The following CNTNAP4 variants were observed in gnomAD, a reference collection of about 807,000 sequenced individuals.
CNTNAP4 encodes the protein contactin associated protein family member 4.
CNTNAP4 carries 98 observed loss-of-function variants against 148.4 expected under a neutral mutation model. The ratio of observed to expected loss-of-function variants is 0.66; its 90% CI spans 0.56 to 0.78. The LOEUF (loss-of-function observed/expected upper bound fraction) is 0.78, where lower values mean the gene tolerates loss of function less well. Ranked by LOEUF, CNTNAP4 falls within the 30% of genes least tolerant of loss-of-function variation. The pLI is 0.00. For synonymous variants in CNTNAP4, 730 were observed against 565.1 expected (o/e 1.29, Z -4.14); for missense variants, 1,935 against 1,565.6 (o/e 1.24, Z -3.98).
chr16:76,331,975 A>AT (rs1963568148), intron 2 of CNTNAP4, among the ~76,000 whole-genome samples: 1 of 152,164 alleles, frequency 6.6e-6, no homozygotes. Flanking sequence ...GTTTTACTAG[A>AT]TTTAGAATGT....
chr16:76,335,606 A>G (rs1963952087), intron 2 of CNTNAP4, among the ~76,000 whole-genome samples: 1 of 152,140 alleles, frequency 6.6e-6, no homozygotes. Context: ...GAGAGGCTGT[A>G]TGGAATCCTC....
intron 3 of CNTNAP4, among the ~76,000 whole-genome samples, chr16:76,386,582 A>C (rs1039971358): frequency 2.6e-5 from 4 of 152,108 alleles, no homozygotes; most frequent in Admixed American, 6.5e-5. Flanking sequence ...AATTTTCCAG[A>C]GCCTAACCTG....
At chr16:76,502,598 G>C (rs2082693498) in intron 15 of CNTNAP4, among the ~76,000 whole-genome samples, 1 of 152,142 alleles carries the variant, frequency 6.6e-6, no homozygotes, top group Non-Finnish European at 1.5e-5. Flanking sequence ...TCAGTCAAGT[G>C]ACCTCTGATG....
chr16:76,536,751 A>G (rs2084232015), intron 18 of CNTNAP4, among the ~76,000 whole-genome samples: 1 of 152,200 alleles, frequency 6.6e-6, no homozygotes, highest in Non-Finnish European at 1.5e-5. Flanking sequence ...GCCTCATGGA[A>G]GAAGAAAAGA....
chr16:76,328,321 A>G (rs1963194378), intron 2 of CNTNAP4, among the ~76,000 whole-genome samples: 2 of 152,210 alleles, frequency 1.3e-5, no homozygotes, highest in South Asian at 4.1e-4. Context: ...TGTGGAAAAC[A>G]TTAGACCTAC....
chr16:76,543,389 A>G (rs1488151502), intron 21 of CNTNAP4, among the ~76,000 whole-genome samples: 1 of 152,242 alleles, frequency 6.6e-6, no homozygotes, highest in East Asian at 1.9e-4. Context: ...TAATATTTCA[A>G]AGAGAATTGT....
Position 76,539,805 on chromosome 16 carries a change from C to T in CNTNAP4, c.3307C>T (p.Leu1103Phe), listed in dbSNP as rs772347115. The T allele has an allele frequency of 1.9e-6, 3 of 1,602,882 alleles. No homozygotes were observed. The highest frequency in any genetic ancestry group is 3.5e-5 in the Admixed American group (2 of 57,718). The change falls in exon 20 of 24, where the codon CTT becomes TTT. Residue 1103 changes from leucine (L) to phenylalanine (F), a missense_variant. Transcript: ENST00000611870. The part of the protein sequence containing the change: ...FDFKNMADGQ[L>F]HHIMINREEG... Reference sequence around the variant, plus strand: ...TTTTAAAAACATGGCTGATGGACAACTTCACCACATAATGATTAACAGAGA... The same window carrying T: ...TTTTAAAAACATGGCTGATGGACAATTTCACCACATAATGATTAACAGAGA...
rs748480259 is a variant in CNTNAP4, at chr16:76,355,387, T to C, written c.266T>C (p.Met89Thr). ...TTGCAGATTGACCTTGGAGAGAGAA[T>C]GGAGGTCACCGCTGTGGCCACTCAA... ...QWLQIDLGER[M>T]EVTAVATQGG... Residue 89 changes from methionine (M) to threonine (T), a missense_variant, in exon 3 of 24, where the codon ATG (methionine) becomes ACG (threonine). Met to Thr is a moderately conservative substitution (Grantham distance 81, BLOSUM62 -1). Coordinates refer to ENST00000611870, the MANE Select transcript of CNTNAP4 (RefSeq NM_033401.5). The C allele has an allele frequency of 2.5e-6, 4 of 1,609,808 alleles. No homozygotes were observed. The highest frequency in any genetic ancestry group is 3.4e-6 in the Non-Finnish European group (4 of 1,177,704).
chr16:76,452,585 G>A lies in CNTNAP4; in HGVS notation c.1149G>A (p.Leu383=). Residue 383 remains leucine, a synonymous_variant, in exon 8 of 24, where the codon CTG becomes CTA. Transcript: ENST00000611870. ...TGAGCTCCAGGAGTTATTTAGCACT[G>A]CCAGACTTCTCTGGAGAGGAGGAGG... is the stretch of plus-strand genomic sequence containing the variant. The part of the protein sequence containing the change: ...TFLSSRSYLA[L]PDFSGEEEVS... The A allele has an allele frequency of 6.2e-7, 1 of 1,613,968 alleles. No individual in the cohort carries two copies.
In CNTNAP4 at chr16:76,460,071, A is replaced by C. The variant is rs28373008; in HGVS notation, c.1334-1885A>C. 3.9e-5 allele frequency among the ~76,000 whole-genome samples: 6 copies of C among 152,262 alleles called. No individual in the cohort carries two copies. In the Middle Eastern group the frequency reaches 0.014, roughly 345 times the overall value. On this transcript the variant is annotated intron_variant, in intron 8 of 23. Coordinates refer to ENST00000611870, the MANE Select transcript of CNTNAP4 (RefSeq NM_033401.5). The stretch of plus-strand genomic sequence containing the variant: ...ATCATATTTTTCCTTTATTAAAAAA[A>C]CTTTTTATTTGTTTCTTTTTATTTT...
intron 8 of CNTNAP4, among the ~76,000 whole-genome samples, chr16:76,453,890 C>T (rs1350408628): frequency 6.6e-6 from 1 of 151,774 alleles, no homozygotes; most frequent in Non-Finnish European, 1.5e-5. Context: ...GATTTGCTGG[C>T]TAGACAAAAA....
chr16:76,326,663 C>T (rs1206031993), intron 2 of CNTNAP4, among the ~76,000 whole-genome samples: 2 of 152,004 alleles, frequency 1.3e-5, no homozygotes, highest in African/African-American at 4.8e-5. Context: ...ATGGATAAAG[C>T]TGGAAACCAT....
intron 11 of CNTNAP4, among the ~76,000 whole-genome samples, chr16:76,476,362 C>T (rs918999688): frequency 1.2e-4 from 18 of 152,238 alleles, no homozygotes; most frequent in African/African-American, 3.9e-4. Context: ...TTCTAGAAGG[C>T]GCAGTACAAG....
intron 3 of CNTNAP4, among the ~76,000 whole-genome samples, chr16:76,370,488 T>C (rs1484933178): frequency 6.6e-6 from 1 of 152,138 alleles, no homozygotes; most frequent in Non-Finnish European, 1.5e-5. Flanking sequence ...AGAGCAAAAG[T>C]GGGAAGAAAT....
intron 15 of CNTNAP4, among the ~76,000 whole-genome samples, chr16:76,504,970 G>A (rs1298623197): frequency 6.6e-6 from 1 of 152,026 alleles, no homozygotes; most frequent in African/African-American, 2.4e-5. Flanking sequence ...AATATAACAA[G>A]TGCTAGTAAG....
At chr16:76,446,247 C>G (rs6564337) in intron 4 of CNTNAP4, among the ~76,000 whole-genome samples, 95,057 of 152,056 alleles carry the variant, frequency 0.63, 29,918 homozygotes, top group South Asian at 0.71. Flanking sequence ...TTTGTCACAT[C>G]AAACAAGATG....
At chr16:76,521,092 T>G in intron 15 of CNTNAP4, 48 bp from the exon 16 acceptor site, 2 of 1,483,176 alleles carry the variant, frequency 1.3e-6, no homozygotes, top group African/African-American at 1.5e-5. Context: ...ATTTCATGAA[T>G]TTGTTTTCTT....
At chr16:76,521,954 C>G in intron 16 of CNTNAP4, 85 bp from the exon 17 acceptor site, 1 of 1,190,636 alleles carries the variant, frequency 8.4e-7, no homozygotes, top group South Asian at 1.2e-5. Context: ...GATTGTTACG[C>G]TGTAGTGTGT....
rs1269160264 is a variant in CNTNAP4 at position 76,509,022 on chromosome 16, A to G, written c.2365+10328A>G. ...CGCCTTGGCCTCCCAAAGTGCTGGG[A>G]TTACAGGCGTGAGCCACCGTGCCTG... On this transcript the variant is annotated intron_variant, in intron 15 of 23. Transcript: ENST00000611870. 3.1e-5 allele frequency among the ~76,000 whole-genome samples: 3 copies of G among 97,404 alleles called. 1 individual carries two copies. Among genetic ancestry groups the G allele is most frequent in the African/African-American group, 7.7e-5 (3 of 38,832 alleles). The allele number at this position is 97,404 out of a possible 152,430, so 63.9% of individuals were successfully genotyped here. A position where few individuals can be genotyped will look rare whatever the true frequency, so the allele number is the denominator to read the frequency against.
Sources: allele counts gnomAD v4.1 joint callset (sites outside exome capture counted in the v4.1 genomes callset), GRCh38; gene constraint gnomAD v4.1.1; transcripts MANE v1.5; gene names NCBI Gene and HGNC (gene_info 2026-07-23, HGNC 2026-07-21).